The following EFCAB8 variants were observed in gnomAD, a reference collection of about 807,000 sequenced individuals.
EFCAB8 encodes the protein EF-hand calcium-binding domain-containing protein 8.
EFCAB8 carries 100 observed loss-of-function variants against 116.3 expected under a neutral mutation model. The observed-to-expected ratio is 0.86, with a 90% CI of 0.73 to 1.02. The LOEUF (loss-of-function observed/expected upper bound fraction) is 1.02, where lower values mean the gene tolerates loss of function less well. EFCAB8 is among the 50% of genes least tolerant of loss of function. The pLI is 0.00. For missense variants in EFCAB8, 1,320 were observed against 1,416.9 expected, an observed-to-expected ratio of 0.93 and a Z score of 1.10; for synonymous variants, 558 against 567.9, an observed-to-expected ratio of 0.98 and a Z score of 0.25.
At chr20:32,864,847 G>C (rs531839907) in intron 2 of EFCAB8, among the ~76,000 whole-genome samples, 1 of 152,314 alleles carries the variant, frequency 6.6e-6, no homozygotes, top group South Asian at 2.1e-4. Context: ...CTCACTATGA[G>C]ACAAGGAGTA....
At chr20:32,878,917 G>A in intron 5 of EFCAB8, 110 bp downstream of exon 5, 3 of 913,896 alleles carry the variant, frequency 3.3e-6, no homozygotes. Context: ...GCTGACCAGG[G>A]GCTGGCATCA....
chr20:32,932,717 T>C (rs1987954322), intron 22 of EFCAB8, among the ~76,000 whole-genome samples: 1 of 152,252 alleles, frequency 6.6e-6, no homozygotes, highest in South Asian at 2.1e-4. Context: ...GGTAAATTTG[T>C]CTTTAAAAAA....
At chr20:32,952,478 T>A (rs1450925024) in intron 23 of EFCAB8, among the ~76,000 whole-genome samples, 1 of 152,236 alleles carries the variant, frequency 6.6e-6, no homozygotes, top group East Asian at 1.9e-4. Context: ...GATAGCCACT[T>A]GTTCCAGCAC....
Position 32,910,004 on chromosome 20 carries a change from G to T in EFCAB8, c.1557+73G>T, listed in dbSNP as rs1392856308. On this transcript the variant is annotated intron_variant, in intron 15 of 26. Transcript: ENST00000400522. ...ACACGGGGCAGAACCAGACCTCCCT[G>T]TGTGCCTGGGTCTGTAGTCAGCTCC... The T allele has an allele frequency of 9.7e-6, 7 of 723,526 alleles. No homozygotes were observed. In the Admixed American group the frequency reaches 1.3e-4, roughly 13 times the overall value. 44.8% of individuals were successfully genotyped at this position (723,526 alleles called of 1,614,324 possible). A position where few individuals can be genotyped will look rare whatever the true frequency, so the allele number is the denominator to read the frequency against.
intron 11 of EFCAB8, among the ~76,000 whole-genome samples, chr20:32,905,220 C>A (rs1267652323): frequency 6.6e-6 from 1 of 152,160 alleles, no homozygotes; most frequent in East Asian, 1.9e-4. Context: ...TTTTTCTTCA[C>A]CCATTGTAAG....
chr20:32,952,589 G>A (rs2146301206), intron 23 of EFCAB8, among the ~76,000 whole-genome samples: 1 of 152,240 alleles, frequency 6.6e-6, no homozygotes, highest in Middle Eastern at 3.4e-3. Context: ...GTCTCTTTGA[G>A]TATTTTGTTG....
intron 6 of EFCAB8, among the ~76,000 whole-genome samples, chr20:32,888,444 G>A (rs1272227289): frequency 3.3e-5 from 5 of 152,092 alleles, no homozygotes; most frequent in Admixed American, 2.0e-4. Flanking sequence ...GGCTGGTCTC[G>A]AACTCCTGAC....
chr20:32,906,559 T>C lies in EFCAB8; in HGVS notation c.1089-3T>C, dbSNP rs1986682330. ...TGCAGCCCTCACTCCTTTGATATTG[T>C]AGGTTGTCAGTGCTGCGTTTAAGGA... is the stretch of plus-strand genomic sequence containing the variant. On this transcript the variant is annotated splice_polypyrimidine_tract_variant and splice_region_variant and intron_variant, in intron 11 of 26. Coordinates refer to ENST00000400522, the MANE Select transcript of EFCAB8 (RefSeq NM_001143967.2). 1 of 718,390 alleles carries C rather than the reference T, an allele frequency of 1.4e-6. No individual in the cohort carries two copies. The highest frequency in any genetic ancestry group is 1.7e-5 in the African/African-American group (1 of 57,262). 44.5% of individuals were successfully genotyped at this position (718,390 alleles called of 1,614,324 possible).
At chr20:32,924,602 C>T (rs1369950830) in intron 20 of EFCAB8, among the ~76,000 whole-genome samples, 13 of 152,174 alleles carry the variant, frequency 8.5e-5, no homozygotes, top group Admixed American at 8.5e-4. Context: ...ATGGCAGAGC[C>T]AGGGCCTGAT....
intron 3 of EFCAB8, among the ~76,000 whole-genome samples, chr20:32,870,978 C>T (rs1984655206): frequency 6.6e-6 from 1 of 151,952 alleles, no homozygotes; most frequent in Admixed American, 6.6e-5. Flanking sequence ...CCTGTCTCAG[C>T]CTCCCGAGTA....
At chr20:32,905,016 G>T (rs138175631) in intron 11 of EFCAB8, among the ~76,000 whole-genome samples, 1 of 152,100 alleles carries the variant, frequency 6.6e-6, no homozygotes, top group Non-Finnish European at 1.5e-5. Context: ...GAGCATCTGC[G>T]GTTCTTAGGC....
intron 15 of EFCAB8, among the ~76,000 whole-genome samples, chr20:32,911,018 G>A (rs945956284): frequency 2.0e-5 from 3 of 152,152 alleles, no homozygotes; most frequent in East Asian, 1.9e-4. Flanking sequence ...GATTACAGGC[G>A]TGAGCCACTG....
intron 14 of EFCAB8, among the ~76,000 whole-genome samples, chr20:32,909,012 G>T (rs116277162): frequency 0.011 from 1,619 of 152,316 alleles, 29 homozygotes; most frequent in African/African-American, 0.03. Context: ...GGGCCCACAA[G>T]AAGGTGGAGG....
chr20:32,866,304 A>T (rs1984397251), intron 2 of EFCAB8, among the ~76,000 whole-genome samples: 1 of 152,078 alleles, frequency 6.6e-6, no homozygotes, highest in African/African-American at 2.4e-5. Flanking sequence ...TTTTGAACTA[A>T]AGTGTTTTCA....
chr20:32,919,393 A>G (rs1600425897), intron 19 of EFCAB8, among the ~76,000 whole-genome samples: 1 of 152,274 alleles, frequency 6.6e-6, no homozygotes, highest in East Asian at 1.9e-4. Context: ...TGTACACTTG[A>G]CCATAAGACA....
chr20:32,866,476 TG>T (rs1207188775), intron 2 of EFCAB8, among the ~76,000 whole-genome samples: 2 of 144,382 alleles, frequency 1.4e-5, no homozygotes, highest in Non-Finnish European at 3.0e-5. Flanking sequence ...ATCAGTCTCA[TG>T]GAGGGGTGAG....
chr20:32,878,508 CTTTTTTTTTT>C (rs1292839813), intron 4 of EFCAB8, among the ~76,000 whole-genome samples, 186 bp from the exon 5 acceptor site: 1 of 116,652 alleles, frequency 8.6e-6, no homozygotes, highest in African/African-American at 3.1e-5. Flanking sequence ...GGCTTGAGTT[CTTTTTTTTTT>C]TTTTTTTTTT....
intron 2 of EFCAB8, 32 bp downstream of exon 2, chr20:32,863,866 G>A (rs1018364666): frequency 2.6e-6 from 4 of 1,549,964 alleles, no homozygotes; most frequent in Non-Finnish European, 2.6e-6. Flanking sequence ...ACTAATAAAG[G>A]GTGGGGCATT....
intron 3 of EFCAB8, among the ~76,000 whole-genome samples, chr20:32,870,596 T>G (rs764659380): frequency 6.6e-6 from 1 of 152,110 alleles, no homozygotes; most frequent in Non-Finnish European, 1.5e-5. Flanking sequence ...ACTCCTGGGC[T>G]CAAGTGATCC....
Sources: gnomAD v4.1 joint callset for allele counts (sites outside exome capture counted in the v4.1 genomes callset) on GRCh38, gnomAD v4.1.1 for gene constraint, MANE v1.5 for transcripts, NCBI Gene and HGNC (gene_info 2026-07-23, HGNC 2026-07-21) for gene names.